Variants in LAMTOR5 observed in about 807,000 individuals in gnomAD.
The protein encoded by LAMTOR5 is ragulator complex protein LAMTOR5.
LAMTOR5 carries 8 observed loss-of-function variants against 12.1 expected under a neutral mutation model. The ratio of observed to expected loss-of-function variants is 0.66; its 90% CI spans 0.39 to 1.19. The LOEUF (loss-of-function observed/expected upper bound fraction) is 1.19, where lower values mean the gene tolerates loss of function less well. Among genes scored for constraint, LAMTOR5 ranks in the 50% most tolerant of loss-of-function variants. LAMTOR5 has a pLI of 0.01. For synonymous variants in LAMTOR5, 37 were observed against 41.9 expected, an observed-to-expected ratio of 0.88 and a Z score of 0.45; for missense variants, 110 against 112.8, an observed-to-expected ratio of 0.97 and a Z score of 0.11.
At chr1:110,407,297 C>T in intron 1 of LAMTOR5, 2 of 589,478 alleles carry the variant, frequency 3.4e-6, no homozygotes, top group Admixed American at 6.0e-5. Context: ...CGCAGAACCA[C>T]CCTGACCGTA....
At position 110,406,359 on chromosome 1, in the gene LAMTOR5, A is replaced by G; in HGVS notation, c.56T>C (p.Val19Ala). 6.2e-7 allele frequency: 1 copy of G among 1,610,204 alleles called. No individual in the cohort carries two copies. The change falls in exon 2 of 4, where the codon GTT becomes GCT. Residue 19 changes from valine (V) to alanine (A), a missense_variant. By Grantham distance (64) the Val-to-Ala change is moderately conservative (BLOSUM62 0). Coordinates refer to ENST00000602318, the MANE Select transcript of LAMTOR5 (RefSeq NM_001382293.1). The part of the protein sequence containing the change: ...LEDTMKNPSI[V>A]GVLCTDSQGL... ...TTGTGAATCTGTGCACAGGACTCCA[A>G]CAATGGAGGGATTCTTCATTCTAAT...
At chr1:110,407,128 AC>A in intron 1 of LAMTOR5, 1 of 638,110 alleles carries the variant, frequency 1.6e-6, no homozygotes, top group Non-Finnish European at 2.8e-6. Context: ...TTACATAGAT[AC>A]TGCTTGTTCG....
At chr1:110,402,943 C>T (rs1356898737) in intron 3 of LAMTOR5, among the ~76,000 whole-genome samples, 4 of 152,318 alleles carry the variant, frequency 2.6e-5, no homozygotes, top group Admixed American at 6.5e-5. Flanking sequence ...GGTAAGTGCC[C>T]TATTCAGATA....
At position 110,404,166 on chromosome 1, in the gene LAMTOR5, T is replaced by A. The variant is rs1048515083; in HGVS notation, c.98-130A>T. On this transcript the variant is annotated intron_variant, in intron 2 of 3. Coordinates refer to ENST00000602318, the MANE Select transcript of LAMTOR5 (RefSeq NM_001382293.1). Reference sequence around the variant, plus strand: ...AATGTCTGTATTAGTCTGTATATATTATAGTAACTAAATCTCGGGTACAAA... The same window carrying A: ...AATGTCTGTATTAGTCTGTATATATAATAGTAACTAAATCTCGGGTACAAA... 7 of 1,299,350 alleles carry A rather than the reference T, an allele frequency of 5.4e-6. No individual in the cohort carries two copies. The African/African-American group carries it at 1.1e-4, about 20-fold the overall frequency. 80.5% of individuals were successfully genotyped at this position (1,299,350 alleles called of 1,614,324 possible). A position where few individuals can be genotyped will look rare whatever the true frequency, so the allele number is the denominator to read the frequency against.
intron 1 of LAMTOR5, chr1:110,406,609 G>A (rs1180295312): frequency 5.9e-6 from 2 of 336,752 alleles, no homozygotes; most frequent in African/African-American, 2.2e-5. Flanking sequence ...CGGATCACCT[G>A]AGGTCGGGAG....
chr1:110,402,268 T>TG (rs754587753), intron 3 of LAMTOR5, among the ~76,000 whole-genome samples: 31 of 152,304 alleles, frequency 2.0e-4, no homozygotes, highest in Non-Finnish European at 2.8e-4. Flanking sequence ...TTCTTTTTTT[T>TG]GAGACGGAGT....
chr1:110,407,709 G>A, upstream of LAMTOR5: 2 of 1,614,208 alleles, frequency 1.2e-6, no homozygotes, highest in Non-Finnish European at 1.7e-6. Context: ...CGAGCGGGGC[G>A]TGGACCGTAA....
intron 3 of LAMTOR5, among the ~76,000 whole-genome samples, chr1:110,402,293 C>T (rs148808330): frequency 0.22 from 33,731 of 152,044 alleles, 4,608 homozygotes; most frequent in Non-Finnish European, 0.32. Context: ...CTCTGTTGCC[C>T]AGGCTGGAGG....
chr1:110,407,093 CT>C, intron 1 of LAMTOR5: 1 of 675,894 alleles, frequency 1.5e-6, no homozygotes, highest in Non-Finnish European at 2.7e-6. Flanking sequence ...TCTCTGTACC[CT>C]TTACACTTTT....
At chr1:110,407,840 G>A (rs11102099), upstream of LAMTOR5, 117,698 of 1,613,692 alleles carry the variant, frequency 0.073, 5,369 homozygotes, top group Admixed American at 0.19. Flanking sequence ...CGCGGTGACC[G>A]TCGAGGTGAC....
At chr1:110,406,954 T>C in intron 1 of LAMTOR5, 1 of 627,670 alleles carries the variant, frequency 1.6e-6, no homozygotes, top group Non-Finnish European at 2.9e-6. Flanking sequence ...GAAAAACATC[T>C]AGGATGTTTT....
At chr1:110,406,726 A>G in intron 1 of LAMTOR5, 1 of 299,774 alleles carries the variant, frequency 3.3e-6, no homozygotes, top group Non-Finnish European at 6.2e-6. Context: ...CGGGAGGCTG[A>G]GGCAAGAGAA....
intron 1 of LAMTOR5, chr1:110,407,328 A>G (rs1570671491): frequency 3.4e-6 from 2 of 590,962 alleles, no homozygotes; most frequent in East Asian, 5.5e-5. Context: ...CAACAACGAG[A>G]TAGGCAGTTT....
At chr1:110,402,772 ATG>A (rs1486189029) in intron 3 of LAMTOR5, among the ~76,000 whole-genome samples, 1 of 152,160 alleles carries the variant, frequency 6.6e-6, no homozygotes, top group Non-Finnish European at 1.5e-5. Context: ...GCCTAGGCTA[ATG>A]TGTGTTTCTT....
intron 2 of LAMTOR5, among the ~76,000 whole-genome samples, chr1:110,405,829 G>GA (rs1310167149): frequency 1.3e-5 from 2 of 152,108 alleles, no homozygotes; most frequent in African/African-American, 4.8e-5. Context: ...ACTAACAAAT[G>GA]AAAGAGCAAG....
intron 1 of LAMTOR5, chr1:110,406,833 C>T (rs1232823733): frequency 9.2e-6 from 4 of 433,186 alleles, no homozygotes; most frequent in African/African-American, 8.2e-5. Context: ...AAAAAAAGAA[C>T]ACAAAAAATT....
Position 110,401,410 on chromosome 1 carries a change from T to C in LAMTOR5, c.*113A>G. 1.8e-6 allele frequency: 2 copies of C among 1,120,702 alleles called. No homozygotes were observed. The highest frequency in any genetic ancestry group is 2.6e-6 in the Non-Finnish European group (2 of 775,720). 69.4% of individuals were successfully genotyped at this position (1,120,702 alleles called of 1,614,324 possible). A position where few individuals can be genotyped will look rare whatever the true frequency, so the allele number is the denominator to read the frequency against. The stretch of plus-strand genomic sequence containing the variant: ...ACTCTTAAATAAACAGAAAAGTGCC[T>C]AATGCACATTAAATGAATGGCCTAA... On this transcript the variant is annotated 3_prime_UTR_variant, in exon 4 of 4. Coordinates refer to ENST00000602318, the MANE Select transcript of LAMTOR5 (RefSeq NM_001382293.1).
At chr1:110,403,359 AGCACTTTGGGAG>A (rs1234952640) in intron 3 of LAMTOR5, among the ~76,000 whole-genome samples, 1 of 152,150 alleles carries the variant, frequency 6.6e-6, no homozygotes, top group Non-Finnish European at 1.5e-5. Context: ...CTGTAATCCC[AGCACTTTGGGAG>A]GCTGAGGCGG....
At chr1:110,407,520 C>T in intron 1 of LAMTOR5, 66 bp downstream of exon 1, 1 of 1,566,080 alleles carries the variant, frequency 6.4e-7, no homozygotes. Flanking sequence ...CAGCTCGCGC[C>T]TTTCGTTCCG....
Sources: gnomAD v4.1 joint callset for allele counts (sites outside exome capture counted in the v4.1 genomes callset) on GRCh38, gnomAD v4.1.1 for gene constraint, MANE v1.5 for transcripts, NCBI Gene and HGNC (gene_info 2026-07-23, HGNC 2026-07-21) for gene names.